Variants in HS6ST3 observed in about 807,000 individuals in gnomAD.
HS6ST3 encodes heparan sulfate 6-O-sulfotransferase 3.
A neutral mutation model predicts 36.7 loss-of-function variants in HS6ST3; 12 were observed. That is an observed-to-expected ratio of 0.33 (90% CI 0.21 to 0.53). HS6ST3 has a LOEUF of 0.53. Among genes scored for constraint, HS6ST3 ranks in the 20% least tolerant of loss-of-function variants. The probability of loss-of-function intolerance (pLI) is 0.95; values close to 1 mark genes in which losing one functional copy is unlikely to be tolerated. For missense variants in HS6ST3, 584 were observed against 640.9 expected, an observed-to-expected ratio of 0.91 and a Z score of 0.96; for synonymous variants, 240 against 257.5, an observed-to-expected ratio of 0.93 and a Z score of 0.65.
intron 1 of HS6ST3, among the ~76,000 whole-genome samples, chr13:96,664,995 A>G (rs1290608481): frequency 5.9e-5 from 9 of 152,164 alleles, no homozygotes; most frequent in African/African-American, 2.2e-4. Flanking sequence ...AACATGGTGA[A>G]ACCGCGTCTC....
chr13:96,823,688 C>T (rs1057099090), intron 1 of HS6ST3, among the ~76,000 whole-genome samples: 6 of 151,954 alleles, frequency 3.9e-5, no homozygotes, highest in African/African-American at 7.3e-5. Flanking sequence ...GGTGCAATCT[C>T]GGCTCACTGC....
chr13:96,526,925 A>G (rs2056116520), intron 1 of HS6ST3, among the ~76,000 whole-genome samples: 1 of 152,194 alleles, frequency 6.6e-6, no homozygotes, highest in Non-Finnish European at 1.5e-5. Flanking sequence ...TAAGAAAGGT[A>G]AGAAAGTATA....
intron 1 of HS6ST3, among the ~76,000 whole-genome samples, chr13:96,727,152 T>C (rs1876025657): frequency 6.6e-6 from 1 of 152,206 alleles, no homozygotes; most frequent in Non-Finnish European, 1.5e-5. Flanking sequence ...AGAAAAAGTA[T>C]GTGAACTTAA....
chr13:96,350,207 A>G (rs1006546624), intron 1 of HS6ST3, among the ~76,000 whole-genome samples: 40 of 152,300 alleles, frequency 2.6e-4, no homozygotes, highest in South Asian at 2.1e-4. Context: ...AATAAATCCA[A>G]TTTTCCACAT....
intron 1 of HS6ST3, among the ~76,000 whole-genome samples, chr13:96,640,201 TC>T (rs1030342974): frequency 1.8e-4 from 27 of 152,158 alleles, no homozygotes; most frequent in African/African-American, 6.3e-4. Context: ...ATATTAGTGT[TC>T]CCTTTTCTCT....
At chr13:96,815,492 T>C (rs115392280) in intron 1 of HS6ST3, among the ~76,000 whole-genome samples, 73 of 152,294 alleles carry the variant, frequency 4.8e-4, no homozygotes, top group African/African-American at 1.5e-3. Flanking sequence ...GTAACATCTC[T>C]CAGTGGGAGA....
intron 1 of HS6ST3, among the ~76,000 whole-genome samples, chr13:96,404,547 C>A (rs761482640): frequency 2.0e-5 from 3 of 152,032 alleles, no homozygotes; most frequent in Non-Finnish European, 4.4e-5. Context: ...GAGTGAGAGT[C>A]ATGGCAGGAG....
chr13:96,641,657 A>G (rs572368924), intron 1 of HS6ST3, among the ~76,000 whole-genome samples: 2 of 151,894 alleles, frequency 1.3e-5, no homozygotes, highest in Non-Finnish European at 2.9e-5. Flanking sequence ...ACATTTTTAA[A>G]TTATATTTTT....
At chr13:96,140,077 A>G (rs1341693608) in intron 1 of HS6ST3, among the ~76,000 whole-genome samples, 2 of 152,182 alleles carry the variant, frequency 1.3e-5, no homozygotes, top group African/African-American at 4.8e-5. Flanking sequence ...GGTGATGAAT[A>G]TATAAAATAC....
chr13:96,796,698 G>T (rs1283342453), intron 1 of HS6ST3, among the ~76,000 whole-genome samples: 2 of 151,986 alleles, frequency 1.3e-5, no homozygotes, highest in Non-Finnish European at 2.9e-5. Flanking sequence ...CAGGTTTATT[G>T]TCAAAAATAG....
intron 1 of HS6ST3, among the ~76,000 whole-genome samples, chr13:96,270,818 C>T (rs1053945157): frequency 2.0e-5 from 3 of 151,834 alleles, no homozygotes; most frequent in Non-Finnish European, 2.9e-5. Flanking sequence ...ACTGTGTCTC[C>T]ATCAGCCTTT....
chr13:96,709,541 G>C (rs1875509688), intron 1 of HS6ST3, among the ~76,000 whole-genome samples: 1 of 152,148 alleles, frequency 6.6e-6, no homozygotes, highest in African/African-American at 2.4e-5. Flanking sequence ...GGCCGTGAAA[G>C]TGGAGTCTTC....
intron 1 of HS6ST3, among the ~76,000 whole-genome samples, chr13:96,597,374 G>T (rs942831169): frequency 6.6e-6 from 1 of 151,538 alleles, no homozygotes; most frequent in South Asian, 2.1e-4. Context: ...GGTCATTCTG[G>T]CTGGGTGAGG....
chr13:96,252,715 G>A (rs1472615589), intron 1 of HS6ST3, among the ~76,000 whole-genome samples: 1 of 152,126 alleles, frequency 6.6e-6, no homozygotes, highest in Non-Finnish European at 1.5e-5. Flanking sequence ...GGTGGGGCCT[G>A]TTGGGAGGTG....
chr13:96,267,803 G>C (rs183521517), intron 1 of HS6ST3, among the ~76,000 whole-genome samples: 209 of 152,110 alleles, frequency 1.4e-3, no homozygotes, highest in South Asian at 0.011. Context: ...AGGGAAGTAG[G>C]CAGGGGAAGG....
chr13:96,773,927 G>A (rs894236253), intron 1 of HS6ST3, among the ~76,000 whole-genome samples: 5 of 152,304 alleles, frequency 3.3e-5, no homozygotes, highest in African/African-American at 2.4e-5. Context: ...ATACAGGATA[G>A]CTCTGGCTGG....
intron 1 of HS6ST3, among the ~76,000 whole-genome samples, chr13:96,676,535 C>A (rs2056699409): frequency 1.3e-5 from 2 of 152,066 alleles, no homozygotes; most frequent in African/African-American, 4.8e-5. Flanking sequence ...AGATATGAGC[C>A]ACTTATATCA....
intron 1 of HS6ST3, among the ~76,000 whole-genome samples, chr13:96,693,430 G>A (rs1221751277): frequency 2.0e-5 from 3 of 151,972 alleles, no homozygotes; most frequent in African/African-American, 7.3e-5. Context: ...TCAGCCTCCC[G>A]AGTAGCTGGG....
Position 96,731,097 on chromosome 13 carries a change from CTT to C in HS6ST3, c.708-101392_708-101391del, listed in dbSNP as rs541752909. The stretch of plus-strand genomic sequence containing the variant: ...AGTTATCATTTTTGTGATGAGAACA[CTT>C]AACATCCACTCTGTTAGCATTTTTC... On this transcript the variant is annotated intron_variant, in intron 1 of 1. Transcript: ENST00000376705. 2.6e-5 allele frequency among the ~76,000 whole-genome samples: 4 copies of C among 152,312 alleles called. No individual in the cohort carries two copies. The South Asian group carries it at 8.3e-4, about 32-fold the overall frequency.
Sources: allele counts gnomAD v4.1 joint callset (sites outside exome capture counted in the v4.1 genomes callset), GRCh38; gene constraint gnomAD v4.1.1; transcripts MANE v1.5; gene names NCBI Gene and HGNC (gene_info 2026-07-23, HGNC 2026-07-21).